Variants in SPEN observed in about 807,000 individuals in gnomAD.
The protein encoded by SPEN is msx2-interacting protein.
SPEN carries 18 observed loss-of-function variants against 269.9 expected under a neutral mutation model. The ratio of observed to expected loss-of-function variants is 0.07; its 90% CI spans 0.05 to 0.10. SPEN has a LOEUF of 0.10. Among genes scored for constraint, SPEN ranks in the 10% least tolerant of loss-of-function variants. SPEN has a pLI of 1.00. For synonymous variants in SPEN, 1,726 were observed against 1,765.7 expected, an observed-to-expected ratio of 0.98 and a Z score of 0.56; for missense variants, 3,822 against 4,631.2, an observed-to-expected ratio of 0.83 and a Z score of 5.07.
chr1:15,893,742 A>AC (rs2070811613), intron 3 of SPEN, among the ~76,000 whole-genome samples: 1 of 152,054 alleles, frequency 6.6e-6, no homozygotes, highest in Non-Finnish European at 1.5e-5. Flanking sequence ...TTAAAAAAAA[A>AC]CAAAAAAAAG....
Position 15,848,167 on chromosome 1 carries a change from C to A in SPEN, c.83+17C>A. ...TTTCAAACGGTGAGTGACACGAGGCCCGCGGCCGCGCTCGCTCCTCGGGCG... is the reference window on the plus strand; with the variant it reads ...TTTCAAACGGTGAGTGACACGAGGCACGCGGCCGCGCTCGCTCCTCGGGCG... On this transcript the variant is annotated intron_variant, in intron 1 of 14. Transcript: ENST00000375759. This position sits in a 1 kb window ranked among gnomAD's most constrained non-coding sequence, Gnocchi z 5.1. 1 of 1,442,578 alleles carries A rather than the reference C, an allele frequency of 6.9e-7. No homozygotes were observed. The highest frequency in any genetic ancestry group is 9.2e-7 in the Non-Finnish European group (1 of 1,081,896). The allele number at this position is 1,442,578 out of a possible 1,614,324, so 89.4% of individuals were successfully genotyped here.
Position 15,936,006 on chromosome 1 carries a change from C to A in SPEN, c.9766C>A (p.Leu3256Ile). Residue 3256 changes from leucine (L) to isoleucine (I), a missense_variant, in exon 11 of 15, where the codon CTT becomes ATT. Coordinates refer to ENST00000375759, the MANE Select transcript of SPEN (RefSeq NM_015001.3). ...TGCCCCCGTCCCTGTCCCTGTCCCC[C>A]TTCCTGCCCCTGCTCCTGCCCCTCA... ...TPAPVPVPVP[L>I]PAPAPAPHGE... 6.3e-7 allele frequency: 1 copy of A among 1,589,242 alleles called. No individual in the cohort carries two copies. Among genetic ancestry groups the A allele is most frequent in the Non-Finnish European group, 8.6e-7 (1 of 1,168,208 alleles).
intron 2 of SPEN, among the ~76,000 whole-genome samples, chr1:15,875,417 T>G (rs1170027785): frequency 2.0e-5 from 3 of 152,146 alleles, no homozygotes. Context: ...GTTTATACAT[T>G]AAGAAATTGA....
chr1:15,870,587 CAGAG>C (rs1196193308), intron 1 of SPEN, among the ~76,000 whole-genome samples: 5 of 152,150 alleles, frequency 3.3e-5, no homozygotes, highest in Non-Finnish European at 5.9e-5. Context: ...AAGAATGACT[CAGAG>C]AGAATTGTTT....
At position 15,935,570 on chromosome 1, in the gene SPEN, C is replaced by T. The variant is rs1386940969; in HGVS notation, c.9330C>T (p.Tyr3110=). ...MNTPTLPSIT[Y]SIRPEALHSP... ...CTCCCACGCTGCCCAGTATCACCTACAGCATCCGGCCAGAAGCGCTTCACT... is the reference window on the plus strand; with the variant it reads ...CTCCCACGCTGCCCAGTATCACCTATAGCATCCGGCCAGAAGCGCTTCACT... The change falls in exon 11 of 15, where the codon TAC becomes TAT. Residue 3110 remains tyrosine, a synonymous_variant. Coordinates refer to ENST00000375759, the MANE Select transcript of SPEN (RefSeq NM_015001.3). The surrounding 1 kb of genome is among the most constrained non-coding windows in gnomAD (Gnocchi z 7.7). 3.7e-6 allele frequency: 6 copies of T among 1,613,990 alleles called. No homozygotes were observed. The Admixed American group carries it at 5.0e-5, about 13-fold the overall frequency.
At chr1:15,923,342 G>A (rs1055528289) in intron 10 of SPEN, among the ~76,000 whole-genome samples, 4 of 152,116 alleles carry the variant, frequency 2.6e-5, no homozygotes, top group African/African-American at 9.7e-5. Context: ...GATTACTTTT[G>A]AAAATGGAAA....
intron 3 of SPEN, among the ~76,000 whole-genome samples, chr1:15,890,845 A>G (rs972860749): frequency 1.3e-5 from 2 of 152,140 alleles, no homozygotes; most frequent in Non-Finnish European, 2.9e-5. Context: ...TGGCCATTTA[A>G]TAGAAGGAAA....
Position 15,905,290 on chromosome 1 carries a change from C to T in SPEN, c.882-4031C>T, listed in dbSNP as rs923231398. Among the ~76,000 whole-genome samples the T allele has an allele frequency of 6.0e-5, 9 of 150,180 alleles. No homozygotes were observed. In the East Asian group the frequency reaches 1.2e-3, roughly 20 times the overall value. ...AGGCTGGAGTGCAATGGCATGATCT[C>T]GGCTCACTGCAACCTCCGCCTCCCG... On this transcript the variant is annotated intron_variant, in intron 3 of 14. Transcript: ENST00000375759.
intron 1 of SPEN, among the ~76,000 whole-genome samples, chr1:15,858,039 A>G (rs2148703796): frequency 6.6e-6 from 1 of 152,250 alleles, no homozygotes. Flanking sequence ...GAAGCAGGAG[A>G]ATCACTTGAA....
At chr1:15,863,936 T>C (rs1039221729) in intron 1 of SPEN, among the ~76,000 whole-genome samples, 4 of 152,150 alleles carry the variant, frequency 2.6e-5, no homozygotes, top group Non-Finnish European at 5.9e-5. Flanking sequence ...CGATGACCAA[T>C]GAATAGATAA....
Position 15,848,176 on chromosome 1 carries a change from C to CGCCCGAGGAGCGA in SPEN, c.83+28_83+29insCCGAGGAGCGAGC. On this transcript the variant is annotated intron_variant, in intron 1 of 14. Coordinates refer to ENST00000375759, the MANE Select transcript of SPEN (RefSeq NM_015001.3). This position sits in a 1 kb window ranked among gnomAD's most constrained non-coding sequence, Gnocchi z 5.1. ...GTGAGTGACACGAGGCCCGCGGCCGCGCTCGCTCCTCGGGCGCCGCTTCCC... is the reference window on the plus strand; with the variant it reads ...GTGAGTGACACGAGGCCCGCGGCCGCGCCCGAGGAGCGAGCTCGCTCCTCGGGCGCCGCTTCCC... 1 of 1,425,024 alleles carries CGCCCGAGGAGCGA rather than the reference C, an allele frequency of 7.0e-7. No individual in the cohort carries two copies. Among genetic ancestry groups the CGCCCGAGGAGCGA allele is most frequent in the Non-Finnish European group, 9.4e-7 (1 of 1,069,070 alleles). 88.3% of individuals were successfully genotyped at this position (1,425,024 alleles called of 1,614,324 possible).
intron 10 of SPEN, among the ~76,000 whole-genome samples, chr1:15,927,166 C>A (rs1570056407): frequency 6.6e-6 from 1 of 152,158 alleles, no homozygotes; most frequent in East Asian, 1.9e-4. Context: ...TAAATTTAAT[C>A]CTATTTTGAA....
chr1:15,874,663 A>G (rs529899494), intron 2 of SPEN, among the ~76,000 whole-genome samples: 3 of 152,348 alleles, frequency 2.0e-5, no homozygotes, highest in African/African-American at 7.2e-5. Flanking sequence ...AATGGCTTTC[A>G]CTGATTAACA....
Position 15,935,949 on chromosome 1 carries a change from C to A in SPEN, c.9709C>A (p.Pro3237Thr), listed in dbSNP as rs1434770944. 1.9e-6 allele frequency: 3 copies of A among 1,607,790 alleles called. No individual in the cohort carries two copies. Among genetic ancestry groups the A allele is most frequent in the Non-Finnish European group, 2.5e-6 (3 of 1,178,528 alleles). Reference sequence around the variant, plus strand: ...GCCAGGGAAGGAAGCTGCCAAGACACCAGATGCCAAAGCTGCCCCCACCCC... The same window carrying A: ...GCCAGGGAAGGAAGCTGCCAAGACAACAGATGCCAAAGCTGCCCCCACCCC... ...QQPGKEAAKT[P>T]DAKAAPTPTP... Residue 3237 changes from proline (P) to threonine (T), a missense_variant, in exon 11 of 15, where the codon CCA (proline) becomes ACA (threonine). Coordinates refer to ENST00000375759, the MANE Select transcript of SPEN (RefSeq NM_015001.3). The surrounding 1 kb of genome is among the most constrained non-coding windows in gnomAD (Gnocchi z 7.7).
intron 3 of SPEN, among the ~76,000 whole-genome samples, chr1:15,890,568 T>G (rs536020618): frequency 1.7e-4 from 26 of 151,288 alleles, no homozygotes; most frequent in Non-Finnish European, 3.2e-4. Context: ...GTTTTTTTTT[T>G]TTTTTTTTTT....
At chr1:15,886,634 T>TG (rs2070738869) in intron 3 of SPEN, among the ~76,000 whole-genome samples, 1 of 152,182 alleles carries the variant, frequency 6.6e-6, no homozygotes, top group Non-Finnish European at 1.5e-5. Flanking sequence ...TAATACATCT[T>TG]TCTGTTATTA....
Position 15,929,921 on chromosome 1 carries a change from G to T in SPEN, c.3681G>T (p.Lys1227Asn). 6.2e-7 allele frequency: 1 copy of T among 1,614,158 alleles called. No homozygotes were observed. The highest frequency in any genetic ancestry group is 8.5e-7 in the Non-Finnish European group (1 of 1,180,034). Residue 1227 changes from lysine to asparagine, a missense_variant, in exon 11 of 15, where the codon AAG becomes AAT. Physicochemically the swap from Lys to Asn is moderately conservative, Grantham distance 94. Around this residue, in one of 16 missense-constraint regions of SPEN, gnomAD observed 267 missense variants for 315.5 expected, o/e 0.85. Transcript: ENST00000375759. This position sits in a 1 kb window ranked among gnomAD's most constrained non-coding sequence, Gnocchi z 5.8. Reference sequence around the variant, plus strand: ...CTGATGACTCTCCTCCTAGCAAAAAGAAAAGGATGGATCATGTCGATTTTG... The same window carrying T: ...CTGATGACTCTCCTCCTAGCAAAAATAAAAGGATGGATCATGTCGATTTTG... ...DVTDDSPPSK[K>N]KRMDHVDFDI...
At chr1:15,884,163 A>G (rs1269297300) in intron 3 of SPEN, among the ~76,000 whole-genome samples, 2 of 152,206 alleles carry the variant, frequency 1.3e-5, no homozygotes, top group African/African-American at 4.8e-5. Flanking sequence ...GATTTTAACA[A>G]CAGATATAAG....
At chr1:15,857,840 G>C (rs2070402709) in intron 1 of SPEN, among the ~76,000 whole-genome samples, 1 of 151,236 alleles carries the variant, frequency 6.6e-6, no homozygotes, top group Non-Finnish European at 1.5e-5. Flanking sequence ...AAAAAAATTT[G>C]TTTTAGAGAC....
Sources: allele counts gnomAD v4.1 joint callset (sites outside exome capture counted in the v4.1 genomes callset), GRCh38; gene constraint gnomAD v4.1.1; regional missense constraint gnomAD v4.1.1; non-coding constraint Gnocchi (gnomAD v3.1); transcripts MANE v1.5; gene names NCBI Gene and HGNC (gene_info 2026-07-23, HGNC 2026-07-21).